The following BAIAP2L2 variants were observed in gnomAD, a reference collection of about 807,000 sequenced individuals.
BAIAP2L2 encodes BAR/IMD domain-containing adapter protein 2-like 2.
Under a neutral mutation model 60.4 loss-of-function variants are expected in BAIAP2L2, and 65 were observed. The observed-to-expected ratio is 1.08, with a 90% CI of 0.88 to 1.32. The LOEUF is 1.32. Ranked by LOEUF, BAIAP2L2 falls within the 40% of genes most tolerant of loss-of-function variation. The pLI is 0.00. For missense variants in BAIAP2L2, 836 were observed against 741.2 expected (o/e 1.13, Z -1.48); for synonymous variants, 344 against 301.7 (o/e 1.14, Z -1.45).
At chr22:38,092,153 G>A (rs2086319528) in intron 7 of BAIAP2L2, among the ~76,000 whole-genome samples, 2 of 152,264 alleles carry the variant, frequency 1.3e-5, no homozygotes, top group Non-Finnish European at 2.9e-5. Flanking sequence ...AGCTAAGGAT[G>A]AGGTGGGAAG....
intron 7 of BAIAP2L2, chr22:38,090,752 G>A (rs1461251159): frequency 6.6e-6 from 1 of 152,232 alleles, no homozygotes; most frequent in Non-Finnish European, 1.5e-5. Flanking sequence ...GTCACATTCA[G>A]TAAGCGTTGA....
chr22:38,093,328 G>C (rs12106630), intron 7 of BAIAP2L2, among the ~76,000 whole-genome samples: 3,968 of 152,282 alleles, frequency 0.026, 90 homozygotes, highest in African/African-American at 0.051. Context: ...GCAGAACTGA[G>C]AGCCAAATAA....
intron 10 of BAIAP2L2, among the ~76,000 whole-genome samples, chr22:38,088,042 C>T (rs983545638): frequency 2.0e-5 from 3 of 152,228 alleles, no homozygotes; most frequent in Non-Finnish European, 4.4e-5. Flanking sequence ...AGCCACCACC[C>T]GCTCTGCCCA....
chr22:38,088,063 C>G (rs1050098026), intron 10 of BAIAP2L2, among the ~76,000 whole-genome samples: 26 of 152,216 alleles, frequency 1.7e-4, no homozygotes, highest in African/African-American at 6.3e-4. Context: ...TGCACGCATT[C>G]ATCCTGCGCT....
intron 2 of BAIAP2L2, among the ~76,000 whole-genome samples, chr22:38,108,731 A>G (rs1302777642): frequency 1.3e-5 from 2 of 151,776 alleles, no homozygotes; most frequent in Admixed American, 1.3e-4. Flanking sequence ...GAAGTGAGGA[A>G]GCCAGCTGCT....
chr22:38,087,252 G>C lies in BAIAP2L2; in HGVS notation c.1131C>G (p.Phe377Leu). Residue 377 changes from phenylalanine to leucine, a missense_variant, in exon 11 of 14, where the codon TTC (phenylalanine) becomes TTG (leucine). Phe to Leu is a conservative substitution (Grantham distance 22, BLOSUM62 0). Coordinates refer to ENST00000381669, the MANE Select transcript of BAIAP2L2 (RefSeq NM_025045.6). ...KLEGSSASGW[F>L]PEAYVKALEE... ...CCAGAGCCTTCACGTACGCCTCGGG[G>C]AACCAACCGCTCCTGTGGGGTAGAG... is the stretch of plus-strand genomic sequence containing the variant. The C allele has an allele frequency of 1.2e-6, 2 of 1,605,900 alleles. No individual in the cohort carries two copies. The highest frequency in any genetic ancestry group is 1.7e-6 in the Non-Finnish European group (2 of 1,176,524).
chr22:38,101,967 CA>C (rs1055708319), intron 4 of BAIAP2L2, among the ~76,000 whole-genome samples: 2 of 152,120 alleles, frequency 1.3e-5, no homozygotes, highest in Non-Finnish European at 2.9e-5. Flanking sequence ...ACCCTCCAAA[CA>C]AAAATCAGCA....
At chr22:38,106,053 G>A (rs1343654638) in intron 4 of BAIAP2L2, among the ~76,000 whole-genome samples, 3 of 152,142 alleles carry the variant, frequency 2.0e-5, no homozygotes, top group African/African-American at 7.2e-5. Context: ...CAAGTGACAA[G>A]GACAGCCATT....
chr22:38,088,667 C>T, intron 10 of BAIAP2L2, 81 bp downstream of exon 10: 1 of 1,406,312 alleles, frequency 7.1e-7, no homozygotes. Context: ...AGGGAAACCT[C>T]AGTCCGGCAG....
At chr22:38,091,061 C>CTT (rs906228276) in intron 7 of BAIAP2L2, 4 of 152,238 alleles carry the variant, frequency 2.6e-5, no homozygotes, top group African/African-American at 9.7e-5. Flanking sequence ...GCATATCTTT[C>CTT]TTGTTGTTGT....
intron 7 of BAIAP2L2, chr22:38,090,947 T>C (rs2086284106): frequency 6.6e-6 from 1 of 152,372 alleles, no homozygotes; most frequent in Admixed American, 6.5e-5. Context: ...ACAGCCCCTC[T>C]GTTTCCCTGC....
At chr22:38,103,842 G>A (rs577201667) in intron 4 of BAIAP2L2, among the ~76,000 whole-genome samples, 17 of 141,502 alleles carry the variant, frequency 1.2e-4, no homozygotes, top group Non-Finnish European at 9.1e-5. Flanking sequence ...CAGCCTCGGT[G>A]ACAGGGTGAG....
intron 7 of BAIAP2L2, chr22:38,090,118 T>TTTTTTTTTTTAA (rs1555964441): frequency 8.1e-6 from 1 of 123,086 alleles, no homozygotes; most frequent in Admixed American, 9.4e-5. Context: ...TTTTTTTTTT[T>TTTTTTTTTTTAA]TTTTTTTTTT....
intron 4 of BAIAP2L2, among the ~76,000 whole-genome samples, chr22:38,102,404 C>T (rs2086585561): frequency 6.6e-6 from 1 of 152,164 alleles, no homozygotes; most frequent in Non-Finnish European, 1.5e-5. Flanking sequence ...TGGAAAACTA[C>T]ATAAGAACAA....
intron 7 of BAIAP2L2, among the ~76,000 whole-genome samples, chr22:38,096,791 A>G (rs1411714424): frequency 6.6e-6 from 1 of 152,274 alleles, no homozygotes. Context: ...AAATGCATGA[A>G]TTCGTGAATG....
chr22:38,107,478 C>T (rs747763201), intron 4 of BAIAP2L2, among the ~76,000 whole-genome samples: 6 of 152,100 alleles, frequency 3.9e-5, no homozygotes, highest in Non-Finnish European at 5.9e-5. Flanking sequence ...GGCCGTGGAA[C>T]GGTTCTGCTC....
Position 38,087,170 on chromosome 22 carries a change from TGGAG to T in BAIAP2L2, c.1209_1212del (p.Ser404CysfsTer4). 6.3e-7 allele frequency: 1 copy of T among 1,595,396 alleles called. No individual in the cohort carries two copies. Among genetic ancestry groups the T allele is most frequent in the Non-Finnish European group, 8.5e-7 (1 of 1,173,182 alleles). ...GGGTTCATGGGTGTCATGGGGGACATGGAGGTCATGGAGGTCATGGGGGTCACGG... is the reference window on the plus strand; with the variant it reads ...GGGTTCATGGGTGTCATGGGGGACATGTCATGGAGGTCATGGGGGTCACGG... On this transcript the variant is annotated frameshift_variant, in exon 11 of 14. Coordinates refer to ENST00000381669, the MANE Select transcript of BAIAP2L2 (RefSeq NM_025045.6). LOFTEE classifies it high-confidence loss of function.
At chr22:38,089,013 C>T in intron 9 of BAIAP2L2, 49 bp from the exon 10 acceptor site, 2 of 1,457,436 alleles carry the variant, frequency 1.4e-6, no homozygotes, top group African/African-American at 2.9e-5. Flanking sequence ...TTCTTCCTGG[C>T]GTCTGCCCTC....
chr22:38,086,309 G>A lies in BAIAP2L2; in HGVS notation c.1400C>T (p.Ala467Val), dbSNP rs775029925. ...SRVPSRAPSP[A>V]PPPLPSSRRS... ...GCGGCTGCTGGGCAAGGGTGGAGGT[G>A]CAGGGCTGGGGGCACGGCTTGGCAC... The change falls in exon 12 of 14, where the codon GCA (alanine) becomes GTA (valine). Residue 467 changes from alanine (A) to valine (V), a missense_variant. By Grantham distance (64) the Ala-to-Val change is moderately conservative. Transcript: ENST00000381669. 6.3e-7 allele frequency: 1 copy of A among 1,588,020 alleles called. No homozygotes were observed. The highest frequency in any genetic ancestry group is 8.6e-7 in the Non-Finnish European group (1 of 1,163,844).
Sources: allele counts gnomAD v4.1 joint callset (sites outside exome capture counted in the v4.1 genomes callset), GRCh38; gene constraint gnomAD v4.1.1; transcripts MANE v1.5; gene names NCBI Gene and HGNC (gene_info 2026-07-23, HGNC 2026-07-21).